DMXL1: variants seen among roughly 807,000 people sequenced by gnomAD.
DMXL1 encodes the protein Dmx like 1.
Under a neutral mutation model 319.2 loss-of-function variants are expected in DMXL1, and 99 were observed. That is an observed-to-expected ratio of 0.31 (90% confidence interval 0.26 to 0.37). DMXL1 has a LOEUF of 0.37. DMXL1 is among the 10% of genes least tolerant of loss of function. The pLI is 1.00. For synonymous variants in DMXL1, 1,385 were observed against 1,235.2 expected (o/e 1.12, Z -2.54); for missense variants, 3,745 against 3,595.6 (o/e 1.04, Z -1.06).
At chr5:119,094,234 C>G (rs1258612654) in intron 1 of DMXL1, among the ~76,000 whole-genome samples, 1 of 152,230 alleles carries the variant, frequency 6.6e-6, no homozygotes, top group Non-Finnish European at 1.5e-5. Context: ...GACAGGCTGA[C>G]TCTTGTTAGG....
chr5:119,173,776 G>GTATATATATATATATATATA (rs758312462), intron 25 of DMXL1, among the ~76,000 whole-genome samples: 2,730 of 66,716 alleles, frequency 0.041, 262 homozygotes, highest in Non-Finnish European at 0.055. Context: ...ATGTGTGTGT[G>GTATATATATATATATATATA]TATATATATA....
At chr5:119,187,023 A>G (rs1777849465) in intron 28 of DMXL1, among the ~76,000 whole-genome samples, 1 of 152,162 alleles carries the variant, frequency 6.6e-6, no homozygotes, top group African/African-American at 2.4e-5. Context: ...ATGTATACTT[A>G]TGTAACAAAC....
chr5:119,145,444 T>C (rs932100384), intron 15 of DMXL1, among the ~76,000 whole-genome samples: 4 of 151,840 alleles, frequency 2.6e-5, no homozygotes, highest in African/African-American at 7.2e-5. Flanking sequence ...AAATACACTT[T>C]ATGTGTTTTT....
In DMXL1 at chr5:119,248,374, G is replaced by A. The variant is rs1292574218; in HGVS notation, c.*1155G>A. 6.6e-6 allele frequency: 1 copy of A among 152,294 alleles called. No individual in the cohort carries two copies. Among genetic ancestry groups the A allele is most frequent in the East Asian group, 1.9e-4 (1 of 5,192 alleles). The allele number at this position is 152,294 out of a possible 1,614,324, so 9.4% of individuals were successfully genotyped here. On this transcript the variant is annotated 3_prime_UTR_variant, in exon 44 of 44. Transcript: ENST00000539542. ...AAAATATGACCAAAATATTTAAAAT[G>A]CACAATGCTTTTAACTTAAATGTGC...
chr5:119,143,470 A>C (rs1284764180), intron 13 of DMXL1, among the ~76,000 whole-genome samples: 1 of 152,012 alleles, frequency 6.6e-6, no homozygotes, highest in African/African-American at 2.4e-5. Context: ...AGCATATTTG[A>C]ATAGTATGTA....
At chr5:119,124,852 T>G (rs1328007815) in intron 9 of DMXL1, among the ~76,000 whole-genome samples, 1 of 152,084 alleles carries the variant, frequency 6.6e-6, no homozygotes, top group African/African-American at 2.4e-5. Flanking sequence ...CAGGCGTGAG[T>G]CACTGCACCC....
intron 4 of DMXL1, among the ~76,000 whole-genome samples, chr5:119,107,436 C>A (rs929860507): frequency 6.6e-6 from 1 of 151,782 alleles, no homozygotes; most frequent in Non-Finnish European, 1.5e-5. Flanking sequence ...TCTTTTGTGT[C>A]CAAATTTAAT....
At chr5:119,206,378 G>C (rs1027514811) in intron 33 of DMXL1, 1 of 152,424 alleles carries the variant, frequency 6.6e-6, no homozygotes, top group East Asian at 1.9e-4. Context: ...CAGTGGAAGA[G>C]AATTAGATAC....
At chr5:119,086,933 G>C (rs1753506422) in intron 1 of DMXL1, among the ~76,000 whole-genome samples, 1 of 151,932 alleles carries the variant, frequency 6.6e-6, no homozygotes, top group Non-Finnish European at 1.5e-5. Context: ...ATCTTGGTAG[G>C]TTGTATGTGT....
rs140441639 is a variant in DMXL1, at chr5:119,201,176, C to G, written c.7746-2143C>G. ...TCAAGGAGAAAGCTTCCTGCTTTTG[C>G]CCATTCAGTATGATGTTGGCTGTGG... On this transcript the variant is annotated intron_variant, in intron 32 of 43. Transcript: ENST00000539542. Among the ~76,000 whole-genome samples, 700 of 152,202 alleles carry G rather than the reference C, an allele frequency of 4.6e-3. 9 individuals carry two copies. The highest frequency in any genetic ancestry group is 0.016 in the African/African-American group (653 of 41,506).
chr5:119,203,668 C>A (rs144291818), intron 33 of DMXL1, among the ~76,000 whole-genome samples: 1 of 151,876 alleles, frequency 6.6e-6, no homozygotes, highest in Non-Finnish European at 1.5e-5. Flanking sequence ...TTTAATATTC[C>A]GCATCTTGTT....
chr5:119,111,411 T>G (rs1474891658), intron 5 of DMXL1, among the ~76,000 whole-genome samples: 1 of 152,198 alleles, frequency 6.6e-6, no homozygotes, highest in Non-Finnish European at 1.5e-5. Context: ...AAATGATGTT[T>G]TTATATATTA....
chr5:119,189,537 T>C (rs921581588), intron 28 of DMXL1, among the ~76,000 whole-genome samples, 171 bp from the exon 29 acceptor site: 2 of 152,186 alleles, frequency 1.3e-5, no homozygotes, highest in Admixed American at 1.3e-4. Context: ...TAGACAGAAA[T>C]GATTTTTGTC....
In DMXL1 at chr5:119,110,243, G is replaced by T. The variant is rs529753640; in HGVS notation, c.457G>T (p.Asp153Tyr). Reference protein sequence around the residue: ...PTEDENLNKTDLNFGDWKCIW... With the variant: ...PTEDENLNKTYLNFGDWKCIW... Reference sequence around the variant, plus strand: ...TGAAGATGAAAATTTAAATAAAACAGATCTTAACTTTGGAGATTGGAAATG... The same window carrying T: ...TGAAGATGAAAATTTAAATAAAACATATCTTAACTTTGGAGATTGGAAATG... The change falls in exon 5 of 44, where the codon GAT becomes TAT. Residue 153 changes from aspartate to tyrosine, a missense_variant. Transcript: ENST00000539542. The T allele has an allele frequency of 1.3e-5, 20 of 1,585,018 alleles. 1 individual carries two copies. In the South Asian group the frequency reaches 2.2e-4, roughly 18 times the overall value.
intron 28 of DMXL1, among the ~76,000 whole-genome samples, chr5:119,184,151 G>A (rs1424095467): frequency 2.0e-5 from 3 of 151,558 alleles, no homozygotes; most frequent in Non-Finnish European, 4.4e-5. Context: ...GGCCTCTTGG[G>A]CTCAAGTGAT....
intron 25 of DMXL1, among the ~76,000 whole-genome samples, chr5:119,174,899 T>G (rs1308618709): frequency 6.6e-6 from 1 of 152,272 alleles, no homozygotes; most frequent in Non-Finnish European, 1.5e-5. Flanking sequence ...GTTATCAGGC[T>G]GTTTCTTCAC....
At chr5:119,082,018 T>TACACACAC (rs1401465096) in intron 1 of DMXL1, among the ~76,000 whole-genome samples, 29 of 71,398 alleles carry the variant, frequency 4.1e-4, no homozygotes, top group Non-Finnish European at 5.4e-4. Context: ...TATATATATA[T>TACACACAC]ATACACACAC....
At chr5:119,244,815 A>G (rs1318775375) in intron 43 of DMXL1, among the ~76,000 whole-genome samples, 5 of 152,230 alleles carry the variant, frequency 3.3e-5, no homozygotes, top group African/African-American at 1.2e-4. Context: ...TTCCATGAAT[A>G]TAAACATAAT....
At chr5:119,165,545 T>C (rs1415151777) in intron 21 of DMXL1, among the ~76,000 whole-genome samples, 1 of 152,238 alleles carries the variant, frequency 6.6e-6, no homozygotes, top group Non-Finnish European at 1.5e-5. Context: ...ATTATGCTCC[T>C]ATAAAACAAA....
Sources: allele counts gnomAD v4.1 joint callset (sites outside exome capture counted in the v4.1 genomes callset), GRCh38; gene constraint gnomAD v4.1.1; transcripts MANE v1.5; gene names NCBI Gene and HGNC (gene_info 2026-07-23, HGNC 2026-07-21).